ZNF541: variants seen among roughly 807,000 people sequenced by gnomAD.
ZNF541 encodes the protein zinc finger protein 541.
Under a neutral mutation model 123.5 loss-of-function variants are expected in ZNF541, and 23 were observed. The observed-to-expected ratio is 0.19, with a 90% CI of 0.13 to 0.26. The LOEUF (loss-of-function observed/expected upper bound fraction) is 0.26. ZNF541 is among the 10% of genes least tolerant of loss of function. ZNF541 has a pLI of 1.00. For missense variants in ZNF541, 1,612 were observed against 1,789.9 expected, an observed-to-expected ratio of 0.90 and a Z score of 1.79; for synonymous variants, 751 against 754.5, an observed-to-expected ratio of 1.00 and a Z score of 0.08.
At chr19:47,562,718 G>T (rs1403075239) in intron 2 of ZNF541, among the ~76,000 whole-genome samples, 1 of 152,150 alleles carries the variant, frequency 6.6e-6, no homozygotes, top group Admixed American at 6.5e-5. Flanking sequence ...CACACAAATG[G>T]AATCAGATGA....
At chr19:47,563,473 C>T (rs1261780136) in intron 2 of ZNF541, among the ~76,000 whole-genome samples, 1 of 152,082 alleles carries the variant, frequency 6.6e-6, no homozygotes, top group African/African-American at 2.4e-5. Context: ...GAGTGTGGAT[C>T]TGTAAGCCAA....
At chr19:47,562,434 C>T (rs1431344543) in intron 2 of ZNF541, among the ~76,000 whole-genome samples, 2 of 151,584 alleles carry the variant, frequency 1.3e-5, no homozygotes, top group African/African-American at 4.9e-5. Flanking sequence ...ATGCCAGCTA[C>T]TCAGGAAGCT....
chr19:47,549,503 G>A lies in ZNF541; in HGVS notation c.308-18C>T. 1 of 1,551,608 alleles carries A rather than the reference G, an allele frequency of 6.4e-7. No homozygotes were observed. The highest frequency in any genetic ancestry group is 2.4e-5 in the East Asian group (1 of 40,924). ...CCCCAGGTCTAAACAGAGGGAGAAA[G>A]CACAGGTTATACACAGCCAAGGCAA... is the stretch of plus-strand genomic sequence containing the variant. On this transcript the variant is annotated intron_variant, in intron 3 of 16. Coordinates refer to ENST00000391901, the MANE Select transcript of ZNF541 (RefSeq NM_001277075.3).
Position 47,544,797 on chromosome 19 carries a change from A to G in ZNF541, c.1732T>C (p.Ser578Pro), listed in dbSNP as rs1426551178. The change falls in exon 5 of 17, where the codon TCC becomes CCC. Residue 578 changes from serine to proline, a missense_variant. Physicochemically the swap from Ser to Pro is moderately conservative, Grantham distance 74. Around this residue, in one of 5 missense-constraint regions of ZNF541, gnomAD observed 1,080 missense variants for 1,013.8 expected, o/e 1.07. Transcript: ENST00000391901. ...FSHAQVAAVS[S>P]QLPAPEGKPA... is the part of the protein sequence containing the mutation. ...TTGCCCTCGGGCGCAGGGAGCTGGG[A>G]GGAGACTGCTGCCACCTGGGCATGG... The G allele has an allele frequency of 6.5e-7, 1 of 1,527,422 alleles. No homozygotes were observed. The highest frequency in any genetic ancestry group is 1.4e-5 in the African/African-American group (1 of 72,886). 94.6% of individuals were successfully genotyped at this position (1,527,422 alleles called of 1,614,324 possible). A position where few individuals can be genotyped will look rare whatever the true frequency, so the allele number is the denominator to read the frequency against.
intron 9 of ZNF541, 74 bp downstream of exon 9, chr19:47,538,068 T>C (rs1969904163): frequency 4.0e-6 from 6 of 1,504,472 alleles, no homozygotes; most frequent in Non-Finnish European, 5.4e-6. Context: ...AACCCAATGC[T>C]ACAAGGTAGA....
At position 47,545,838 on chromosome 19, in the gene ZNF541, G is replaced by T. The variant is rs1480011052; in HGVS notation, c.691C>A (p.Pro231Thr). The T allele has an allele frequency of 1.3e-6, 2 of 1,549,156 alleles. No individual in the cohort carries two copies. Among genetic ancestry groups the T allele is most frequent in the Non-Finnish European group, 1.7e-6 (2 of 1,146,298 alleles). The stretch of plus-strand genomic sequence containing the variant: ...GAGTCCCCGCAGGCCTCTTCCTCCG[G>T]GGGGGCTTCCTTCAGGATGCACAGG... ...HGLCILKEAP[P>T]EEEACGDSPH... Residue 231 changes from proline to threonine, a missense_variant, in exon 5 of 17, where the codon CCG (proline) becomes ACG (threonine). Transcript: ENST00000391901. The surrounding 1 kb of genome is among the most constrained non-coding windows in gnomAD (Gnocchi z 7.5).
intron 4 of ZNF541, 113 bp downstream of exon 4, chr19:47,549,132 C>T: frequency 1.4e-6 from 2 of 1,445,022 alleles, no homozygotes; most frequent in Non-Finnish European, 1.9e-6. Context: ...GTCTGGAAAA[C>T]CCAACAGAGG....
intron 9 of ZNF541, among the ~76,000 whole-genome samples, chr19:47,534,666 AC>A (rs577516251): frequency 2.6e-5 from 4 of 151,096 alleles, no homozygotes; most frequent in Admixed American, 1.3e-4. Flanking sequence ...CCTCCAAACC[AC>A]CCCCCCAAAA....
At chr19:47,561,948 G>A in intron 2 of ZNF541, among the ~76,000 whole-genome samples, 1 of 152,182 alleles carries the variant, frequency 6.6e-6, no homozygotes, top group African/African-American at 2.4e-5. Flanking sequence ...ACTGCAATAT[G>A]CAAAATATCC....
chr19:47,549,595 G>C, intron 3 of ZNF541, 110 bp from the exon 4 acceptor site: 1 of 1,450,570 alleles, frequency 6.9e-7, no homozygotes, highest in East Asian at 2.5e-5. Flanking sequence ...TAAGTGTTGC[G>C]CGAGAACTCT....
intron 1 of ZNF541, among the ~76,000 whole-genome samples, 179 bp from the exon 2 acceptor site, chr19:47,572,221 T>G (rs1407238489): frequency 6.6e-6 from 1 of 152,230 alleles, no homozygotes; most frequent in African/African-American, 2.4e-5. Context: ...AATTGTTCCT[T>G]CTTTCCTTAT....
At chr19:47,538,099 A>G (rs942348595) in intron 9 of ZNF541, 43 bp downstream of exon 9, 21 of 1,546,110 alleles carry the variant, frequency 1.4e-5, no homozygotes, top group Non-Finnish European at 1.8e-5. Flanking sequence ...TCCGCAGGCA[A>G]TCCACCCTGG....
At chr19:47,558,347 C>CG (rs1297278232) in intron 2 of ZNF541, among the ~76,000 whole-genome samples, 1 of 151,550 alleles carries the variant, frequency 6.6e-6, no homozygotes, top group Non-Finnish European at 1.5e-5. Flanking sequence ...ACCCAGGAGG[C>CG]GGAGCTTGCA....
rs184318770 is a variant in ZNF541, at chr19:47,526,018, G to T, written c.3570+2932C>A. Among the ~76,000 whole-genome samples the T allele has an allele frequency of 2.3e-3, 353 of 150,894 alleles. 1 individual carries two copies. The highest frequency in any genetic ancestry group is 3.6e-3 in the Non-Finnish European group (244 of 67,812). The stretch of plus-strand genomic sequence containing the variant: ...TCTTAGATACAACACCAAAAGCACA[G>T]TCCATAAAAGAAAAATTAATAAATG... On this transcript the variant is annotated intron_variant, in intron 14 of 16. Transcript: ENST00000391901.
Position 47,544,971 on chromosome 19 carries a change from C to T in ZNF541, c.1558G>A (p.Gly520Ser), listed in dbSNP as rs750258653. 8.5e-6 allele frequency: 13 copies of T among 1,532,372 alleles called. No homozygotes were observed. The South Asian group carries it at 1.2e-4, about 14-fold the overall frequency. The allele number at this position is 1,532,372 out of a possible 1,614,324, so 94.9% of individuals were successfully genotyped here. The stretch of plus-strand genomic sequence containing the variant: ...CCTGCCTTCTGGGCCTCCTGGAGGC[C>T]GGGCTCCCCGGGGTTCTGGCACAGG... ...SFLCQNPGEP[G>S]LQEAQKAGGL... is the part of the protein sequence containing the mutation. Residue 520 changes from glycine to serine, a missense_variant, in exon 5 of 17, where the codon GGC becomes AGC. Transcript: ENST00000391901.
intron 2 of ZNF541, among the ~76,000 whole-genome samples, chr19:47,559,743 G>T (rs561283518): frequency 6.6e-6 from 1 of 151,712 alleles, no homozygotes; most frequent in East Asian, 2.0e-4. Flanking sequence ...CCAGCTACTT[G>T]CGAGGCTGAG....
chr19:47,521,110 C>T lies in ZNF541; in HGVS notation c.*114G>A, dbSNP rs1212270009. On this transcript the variant is annotated 3_prime_UTR_variant, in exon 17 of 17. Transcript: ENST00000391901. The surrounding 1 kb of genome is among the most constrained non-coding windows in gnomAD (Gnocchi z 4.2). The stretch of plus-strand genomic sequence containing the variant: ...CCTCCATGTTTGCAGGCAGGTTGGC[C>T]AACAGGGGACAGGGAGGGTGGGGGG... 2 of 1,360,132 alleles carry T rather than the reference C, an allele frequency of 1.5e-6. No individual in the cohort carries two copies. Among genetic ancestry groups the T allele is most frequent in the African/African-American group, 2.9e-5 (2 of 68,424 alleles). 84.3% of individuals were successfully genotyped at this position (1,360,132 alleles called of 1,614,324 possible).
In ZNF541 at chr19:47,544,223, G is replaced by A. The variant is rs775665526; in HGVS notation, c.2306C>T (p.Ala769Val). 3 of 1,551,652 alleles carry A rather than the reference G, an allele frequency of 1.9e-6. No individual in the cohort carries two copies. Among genetic ancestry groups the A allele is most frequent in the Non-Finnish European group, 2.6e-6 (3 of 1,147,004 alleles). ...CATGGCTACCTGGCTCGGAGAAGCC[G>A]CACAGCACATATCCATCTTCGCCTT... ...KEKAKMDMCC[A>V]ASPSQVAMAS... is the part of the protein sequence containing the mutation. The change falls in exon 5 of 17, where the codon GCG becomes GTG. Residue 769 changes from alanine to valine, a missense_variant. Ala to Val is a moderately conservative substitution (Grantham distance 64, BLOSUM62 0). Coordinates refer to ENST00000391901, the MANE Select transcript of ZNF541 (RefSeq NM_001277075.3).
At chr19:47,544,103 G>T in intron 5 of ZNF541, 23 bp downstream of exon 5, 1 of 1,529,962 alleles carries the variant, frequency 6.5e-7, no homozygotes. Context: ...CTCTGGTCAG[G>T]CCACGTGAGA....
Sources: gnomAD v4.1 joint callset for allele counts (sites outside exome capture counted in the v4.1 genomes callset) on GRCh38, gnomAD v4.1.1 for gene constraint, gnomAD v4.1.1 regional missense constraint, Gnocchi (gnomAD v3.1) non-coding constraint, MANE v1.5 for transcripts, NCBI Gene and HGNC (gene_info 2026-07-23, HGNC 2026-07-21) for gene names.